YBX2: variants seen among roughly 807,000 people sequenced by gnomAD.
YBX2 encodes the protein Y-box-binding protein 2.
A neutral mutation model predicts 44.4 loss-of-function variants in YBX2; 5 were observed. The ratio of observed to expected loss-of-function variants is 0.11; its 90% CI spans 0.06 to 0.24. YBX2 has a LOEUF of 0.24. Ranked by LOEUF, YBX2 falls within the 10% of genes least tolerant of loss-of-function variation. The pLI, the probability that YBX2 is intolerant of heterozygous loss-of-function variation, is 1.00. For missense variants in YBX2, 417 were observed against 526.9 expected, an observed-to-expected ratio of 0.79 and a Z score of 2.04; for synonymous variants, 188 against 216.1, an observed-to-expected ratio of 0.87 and a Z score of 1.14.
Position 7,288,612 on chromosome 17 carries a change from G to C in YBX2, c.*71C>G. 2 of 674,502 alleles carry C rather than the reference G, an allele frequency of 3.0e-6. No individual in the cohort carries two copies. The highest frequency in any genetic ancestry group is 5.2e-6 in the Non-Finnish European group (2 of 382,568). 41.8% of individuals were successfully genotyped at this position (674,502 alleles called of 1,614,324 possible). A position where few individuals can be genotyped will look rare whatever the true frequency, so the allele number is the denominator to read the frequency against. On this transcript the variant is annotated 3_prime_UTR_variant, in exon 9 of 9. Transcript: ENST00000007699. ...AAAGGGGGAGCAGGGTACTGGGTAG[G>C]GTACAGGTCATTTGGAAAAACTGGC...
At chr17:7,289,936 G>A (rs3744405) in intron 6 of YBX2, 32 bp downstream of exon 6, 794,895 of 1,611,084 alleles carry the variant, frequency 0.49, 200,579 homozygotes, top group Non-Finnish European at 0.53. Context: ...ACACTGGAAG[G>A]GGAAGACCAA....
At chr17:7,293,805 T>C in intron 1 of YBX2, 2 of 631,210 alleles carry the variant, frequency 3.2e-6, no homozygotes, top group East Asian at 3.0e-5. Context: ...ATCCAGCCCC[T>C]TCACCTAGAA....
rs1419030990 is a variant in YBX2, at chr17:7,289,991, G to A, written c.825C>T (p.Pro275=). 1 of 1,614,246 alleles carries A rather than the reference G, an allele frequency of 6.2e-7. No individual in the cohort carries two copies. The highest frequency in any genetic ancestry group is 1.1e-5 in the South Asian group (1 of 91,086). ...ACCTTCGGTACCTGGGCCGGAATCTGGGCGGGGGGACTCGCTCATCTCCCT... is the reference window on the plus strand; with the variant it reads ...ACCTTCGGTACCTGGGCCGGAATCTAGGCGGGGGGACTCGCTCATCTCCCT... ...QQQGDERVPP[P]RFRPRYRRPF... Residue 275 remains proline, a synonymous_variant, in exon 6 of 9, where the codon CCC becomes CCT. Coordinates refer to ENST00000007699, the MANE Select transcript of YBX2 (RefSeq NM_015982.4).
rs779305253 is a variant in YBX2 at position 7,291,858 on chromosome 17, G to C, written c.369+168C>G. On this transcript the variant is annotated intron_variant, in intron 3 of 8. Coordinates refer to ENST00000007699, the MANE Select transcript of YBX2 (RefSeq NM_015982.4). The surrounding 1 kb of genome is among the most constrained non-coding windows in gnomAD (Gnocchi z 5.8). ...CATGCTCAATTCTGACGGACGTTTA[G>C]TAACCCAGCACAAGTGCGGCTAATG... 8 of 814,236 alleles carry C rather than the reference G, an allele frequency of 9.8e-6. No individual in the cohort carries two copies. The highest frequency in any genetic ancestry group is 6.8e-5 in the African/African-American group (4 of 59,096). 50.4% of individuals were successfully genotyped at this position (814,236 alleles called of 1,614,324 possible).
chr17:7,289,295 T>TG (rs34468152), intron 7 of YBX2, among the ~76,000 whole-genome samples: 48,677 of 104,466 alleles, frequency 0.47, 9,988 homozygotes, highest in Non-Finnish European at 0.55. Flanking sequence ...GGGGATGGGT[T>TG]GGGGGGGGCA....
rs2072492145 is a variant in YBX2, at chr17:7,290,326, CCAT to C, written c.666_668del (p.Trp223del). 22 of 1,613,646 alleles carry C rather than the reference CCAT, an allele frequency of 1.4e-5. No individual in the cohort carries two copies. Among genetic ancestry groups the C allele is most frequent in the Non-Finnish European group, 1.9e-5 (22 of 1,179,976 alleles). On this transcript the variant is annotated inframe_deletion, in exon 5 of 9. Coordinates refer to ENST00000007699, the MANE Select transcript of YBX2 (RefSeq NM_015982.4). ...GTCGGTAGAAGAAGGGTGGGGGGCA[CCAT>C]CGTCGGGGCCGTTGCCCAGAGTCTT... is the stretch of plus-strand genomic sequence containing the variant.
In YBX2 at chr17:7,290,628, C is replaced by G. The variant is rs929530477; in HGVS notation, c.460-93G>C. 8 of 1,457,788 alleles carry G rather than the reference C, an allele frequency of 5.5e-6. No individual in the cohort carries two copies. In the Admixed American group the frequency reaches 6.0e-5, roughly 11 times the overall value. The allele number at this position is 1,457,788 out of a possible 1,614,324, so 90.3% of individuals were successfully genotyped here. ...CCCCTTCTTTCAGGGGAAGACCCCT[C>G]TCCAGCTTTCCTTTAGCTCCTCTAA... is the stretch of plus-strand genomic sequence containing the variant. On this transcript the variant is annotated intron_variant, in intron 4 of 8. Transcript: ENST00000007699.
At position 7,294,534 on chromosome 17, in the gene YBX2, C is replaced by G; in HGVS notation, c.-34G>C. On this transcript the variant is annotated 5_prime_UTR_variant, in exon 1 of 9. Coordinates refer to ENST00000007699, the MANE Select transcript of YBX2 (RefSeq NM_015982.4). The surrounding 1 kb of genome is among the most constrained non-coding windows in gnomAD (Gnocchi z 4.6). ...GTCCAGTACCGGCCACAGCCGCCAC[C>G]GCCCCGGCCCCTCCCCCCGGCTCGC... is the stretch of plus-strand genomic sequence containing the variant. The G allele has an allele frequency of 7.0e-7, 1 of 1,428,346 alleles. No individual in the cohort carries two copies. The highest frequency in any genetic ancestry group is 9.2e-7 in the Non-Finnish European group (1 of 1,090,216). 88.5% of individuals were successfully genotyped at this position (1,428,346 alleles called of 1,614,324 possible).
chr17:7,293,977 G>T (rs992077960), intron 1 of YBX2: 2 of 472,272 alleles, frequency 4.2e-6, no homozygotes, highest in Non-Finnish European at 7.1e-6. Flanking sequence ...CCGGGGGCGT[G>T]GCCGGACCCT....
intron 7 of YBX2, 87 bp from the exon 8 acceptor site, chr17:7,288,925 T>A: frequency 6.5e-7 from 1 of 1,539,462 alleles, no homozygotes; most frequent in South Asian, 1.1e-5. Flanking sequence ...TACAGTGGCG[T>A]GATCTTGGCT....
chr17:7,289,580 CCTG>C lies in YBX2; in HGVS notation c.991_993del (p.Gln331del), dbSNP rs777069934. 7.5e-5 allele frequency: 121 copies of C among 1,612,490 alleles called. 1 individual carries two copies. The African/African-American group carries it at 1.3e-3, about 17-fold the overall frequency. ...CCAGGGGCCTGCTGGGGGCCAGGGG[CCTG>C]CTGCCGTCTCCGCTGGAAGTAGGGG... On this transcript the variant is annotated inframe_deletion, in exon 7 of 9. Transcript: ENST00000007699.
In YBX2 at chr17:7,291,201, A is replaced by G; in HGVS notation, c.370-19T>C. Reference sequence around the variant, plus strand: ...TAGCTGTCTGATTGGGGAAAAGGCCATGTGAAAAGTGAGACAGCAAGACAG... The same window carrying G: ...TAGCTGTCTGATTGGGGAAAAGGCCGTGTGAAAAGTGAGACAGCAAGACAG... On this transcript the variant is annotated intron_variant, in intron 3 of 8. Coordinates refer to ENST00000007699, the MANE Select transcript of YBX2 (RefSeq NM_015982.4). This position sits in a 1 kb window ranked among gnomAD's most constrained non-coding sequence, Gnocchi z 5.8. 1 of 1,613,452 alleles carries G rather than the reference A, an allele frequency of 6.2e-7. No homozygotes were observed. Among genetic ancestry groups the G allele is most frequent in the Non-Finnish European group, 8.5e-7 (1 of 1,179,432 alleles).
At chr17:7,288,880 T>G (rs765031043) in intron 7 of YBX2, 42 bp from the exon 8 acceptor site, 272 of 1,611,748 alleles carry the variant, frequency 1.7e-4, no homozygotes, top group Non-Finnish European at 2.2e-4. Flanking sequence ...TTCTTTTTGT[T>G]TTTGAGACAG....
chr17:7,290,137 C>T, intron 5 of YBX2, 66 bp from the exon 6 acceptor site: 1 of 1,610,132 alleles, frequency 6.2e-7, no homozygotes, highest in Admixed American at 1.7e-5. Context: ...AGATTATCCA[C>T]AGCTCTGCCC....
At chr17:7,293,024 C>T (rs1434027128) in intron 2 of YBX2, 1 of 209,240 alleles carries the variant, frequency 4.8e-6, no homozygotes, top group African/African-American at 2.3e-5. Flanking sequence ...CCCCCACTGT[C>T]AGCCTCAGTC....
In YBX2 at chr17:7,288,798, A is replaced by G; in HGVS notation, c.1085T>C (p.Ile362Thr). The G allele has an allele frequency of 1.2e-6, 2 of 1,613,452 alleles. No individual in the cohort carries two copies. The highest frequency in any genetic ancestry group is 1.7e-6 in the Non-Finnish European group (2 of 1,179,532). Residue 362 changes from isoleucine (I) to threonine (T), a missense_variant, in exon 8 of 9, where the codon ATC (isoleucine) becomes ACC (threonine). Physicochemically the swap from Ile to Thr is moderately conservative, Grantham distance 89. Transcript: ENST00000007699. ...TGAGTTGAGTTGGAATCACTCCAGG[A>G]TGGTGGTGGTGGGGTCCCCACTGTT... ...PVNSGDPTTTILE is the reference protein window; with the variant it reads ...PVNSGDPTTTTLE
At position 7,289,615 on chromosome 17, in the gene YBX2, C is replaced by G. The variant is rs535139132; in HGVS notation, c.959G>C (p.Arg320Pro). ...TCTCCGCTGGAAGTAGGGGCGGTTT[C>G]GTGGGCGCTGGGGCTCAGGCCGGGA... The part of the protein sequence containing the change: ...DGSRPEPQRP[R>P]NRPYFQRRRQ... The change falls in exon 7 of 9, where the codon CGA becomes CCA. Residue 320 changes from arginine to proline, a missense_variant. This residue lies in a region of YBX2 where 257 missense variants were observed against 261.7 expected (regional missense o/e 0.98). Transcript: ENST00000007699. The G allele has an allele frequency of 1.2e-6, 2 of 1,613,792 alleles. No individual in the cohort carries two copies. Among genetic ancestry groups the G allele is most frequent in the South Asian group, 2.2e-5 (2 of 91,066 alleles).
In YBX2 at chr17:7,294,496, C is replaced by A. The variant is rs1266170487; in HGVS notation, c.5G>T (p.Ser2Ile). Reference sequence around the variant, plus strand: ...AGCCCCCGCTGCCGCCTCCACCTCGCTCATCCCGCCGGGTCCAGTACCGGC... The same window carrying A: ...AGCCCCCGCTGCCGCCTCCACCTCGATCATCCCGCCGGGTCCAGTACCGGC... M[S>I]EVEAAAGATA... Residue 2 changes from serine to isoleucine, a missense_variant, in exon 1 of 9, where the codon AGC becomes ATC. Ser to Ile is a moderately radical substitution (Grantham distance 142, BLOSUM62 -2). Transcript: ENST00000007699. This position sits in a 1 kb window ranked among gnomAD's most constrained non-coding sequence, Gnocchi z 4.6. 1 of 1,469,378 alleles carries A rather than the reference C, an allele frequency of 6.8e-7. No homozygotes were observed. Among genetic ancestry groups the A allele is most frequent in the East Asian group, 3.0e-5 (1 of 33,434 alleles). 91.0% of individuals were successfully genotyped at this position (1,469,378 alleles called of 1,614,324 possible). A position where few individuals can be genotyped will look rare whatever the true frequency, so the allele number is the denominator to read the frequency against.
chr17:7,289,187 C>T (rs1230408608), intron 7 of YBX2, among the ~76,000 whole-genome samples: 1 of 151,968 alleles, frequency 6.6e-6, no homozygotes, highest in Non-Finnish European at 1.5e-5. Context: ...GGGCCCTGAA[C>T]TTCAACCTTC....
Sources: gnomAD v4.1 joint callset for allele counts (sites outside exome capture counted in the v4.1 genomes callset) on GRCh38, gnomAD v4.1.1 for gene constraint, gnomAD v4.1.1 regional missense constraint, Gnocchi (gnomAD v3.1) non-coding constraint, MANE v1.5 for transcripts, NCBI Gene and HGNC (gene_info 2026-07-23, HGNC 2026-07-21) for gene names.